CFB: variants seen among roughly 807,000 people sequenced by gnomAD.
The protein encoded by CFB is B-factor, properdin.
CFB carries 59 observed loss-of-function variants against 97.2 expected under a neutral mutation model. The ratio of observed to expected loss-of-function variants is 0.61; its 90% confidence interval spans 0.49 to 0.75. The LOEUF (loss-of-function observed/expected upper bound fraction) is 0.75. Ranked by LOEUF, CFB falls within the 30% of genes least tolerant of loss-of-function variation. The pLI is 0.00. For missense variants in CFB, 771 were observed against 959.8 expected (o/e 0.80, Z 2.60); for synonymous variants, 316 against 351.7 (o/e 0.90, Z 1.14).
chr6:31,950,588 C>A, intron 12 of CFB, 31 bp from the exon 13 acceptor site: 1 of 1,612,756 alleles, frequency 6.2e-7, no homozygotes, highest in South Asian at 1.1e-5. Flanking sequence ...AAGCTGCCCA[C>A]AAAGAGGTGG....
chr6:31,950,708 T>C lies in CFB; in HGVS notation c.1714T>C (p.Phe572Leu). The part of the protein sequence containing the change: ...NGKKEAGIPE[F>L]YDYDVALIKL... ...GAAAAAAGAAGCAGGAATTCCTGAA[T>C]TTTATGACTATGACGTTGCCCTGAT... Residue 572 changes from phenylalanine (F) to leucine (L), a missense_variant, in exon 13 of 18, where the codon TTT becomes CTT. Physicochemically the swap from Phe to Leu is conservative, Grantham distance 22 (BLOSUM62 0). Transcript: ENST00000425368. The C allele has an allele frequency of 6.2e-7, 1 of 1,613,074 alleles. No individual in the cohort carries two copies.
In CFB at chr6:31,947,807, A is replaced by G. The variant is rs144812066; in HGVS notation, c.724A>G (p.Ile242Val). ...TTTCCTGTCTTCCCTGACAGAGACC[A>G]TAGAAGGAGTCGATGCTGAGGATGG... ...EAFLSSLTET[I>V]EGVDAEDGHG... Residue 242 changes from isoleucine to valine, a missense_variant, in exon 5 of 18, where the codon ATA becomes GTA. By Grantham distance (29) the Ile-to-Val change is conservative. Coordinates refer to ENST00000425368, the MANE Select transcript of CFB (RefSeq NM_001710.6). The surrounding 1 kb of genome is among the most constrained non-coding windows in gnomAD (Gnocchi z 5.3). The G allele has an allele frequency of 2.8e-5, 45 of 1,613,566 alleles. No individual in the cohort carries two copies. The South Asian group carries it at 4.8e-4, about 17-fold the overall frequency.
Position 31,951,874 on chromosome 6 carries a change from G to C in CFB, c.2140-1G>C. On this transcript the variant is annotated splice_acceptor_variant, in intron 17 of 17. Coordinates refer to ENST00000425368, the MANE Select transcript of CFB (RefSeq NM_001710.6). LOFTEE classifies it high-confidence loss of function. The surrounding 1 kb of genome is among the most constrained non-coding windows in gnomAD (Gnocchi z 4.3). ...TCCATGGCACCCCACTGCCTCTGCA[G>C]GTTGGTGTAATCAGCTGGGGAGTAG... The C allele has an allele frequency of 6.2e-7, 1 of 1,613,246 alleles. No individual in the cohort carries two copies. Among genetic ancestry groups the C allele is most frequent in the Non-Finnish European group, 8.5e-7 (1 of 1,180,046 alleles).
rs1327174996 is a variant in CFB, at chr6:31,950,717, T to C, written c.1723T>C (p.Tyr575His). 3.1e-6 allele frequency: 5 copies of C among 1,613,064 alleles called. No individual in the cohort carries two copies. Among genetic ancestry groups the C allele is most frequent in the Non-Finnish European group, 3.4e-6 (4 of 1,180,030 alleles). Residue 575 changes from tyrosine to histidine, a missense_variant, in exon 13 of 18, where the codon TAT (tyrosine) becomes CAT (histidine). Tyr to His is a moderately conservative substitution (Grantham distance 83). Coordinates refer to ENST00000425368, the MANE Select transcript of CFB (RefSeq NM_001710.6). ...AGCAGGAATTCCTGAATTTTATGAC[T>C]ATGACGTTGCCCTGATCAAGCTCAA... ...KEAGIPEFYD[Y>H]DVALIKLKNK...
rs367735638 is a variant in CFB at position 31,950,096 on chromosome 6, G to A, written c.1455G>A (p.Arg485=). 6.2e-7 allele frequency: 1 copy of A among 1,613,096 alleles called. No homozygotes were observed. The highest frequency in any genetic ancestry group is 8.5e-7 in the Non-Finnish European group (1 of 1,180,044). The change falls in exon 11 of 18, where the codon AGG becomes AGA. Residue 485 remains arginine (R), a synonymous_variant. Transcript: ENST00000425368. The part of the protein sequence containing the change: ...LSLCGMVWEH[R]KGTDYHKQPW... Reference sequence around the variant, plus strand: ...TCTGTGGCATGGTTTGGGAACACAGGAAGGGTACCGATTACCACAAGCAAC... The same window carrying A: ...TCTGTGGCATGGTTTGGGAACACAGAAAGGGTACCGATTACCACAAGCAAC...
rs1329514987 is a variant in CFB, at chr6:31,946,470, G to A, written c.162G>A (p.Glu54=). 2.5e-6 allele frequency: 4 copies of A among 1,613,074 alleles called. No individual in the cohort carries two copies. Among genetic ancestry groups the A allele is most frequent in the Admixed American group, 1.7e-5 (1 of 60,026 alleles). The change falls in exon 2 of 18, where the codon GAG becomes GAA. Residue 54 remains glutamate (E), a synonymous_variant. Coordinates refer to ENST00000425368, the MANE Select transcript of CFB (RefSeq NM_001710.6). This position sits in a 1 kb window ranked among gnomAD's most constrained non-coding sequence, Gnocchi z 6.4. ...GCGGCTCCTTCCGACTTCTCCAAGAGGGCCAGGCACTGGAGTACGTGTGTC... is the reference window on the plus strand; with the variant it reads ...GCGGCTCCTTCCGACTTCTCCAAGAAGGCCAGGCACTGGAGTACGTGTGTC... ...IKGGSFRLLQ[E]GQALEYVCPS...
At position 31,946,345 on chromosome 6, in the gene CFB, G is replaced by T; in HGVS notation, c.65-28G>T. ...CAGCATCCCTCCTTGGCCTTTTGGG[G>T]CCAGGCTTCATCAGCCTTTCTCTTC... On this transcript the variant is annotated intron_variant, in intron 1 of 17. Coordinates refer to ENST00000425368, the MANE Select transcript of CFB (RefSeq NM_001710.6). This position sits in a 1 kb window ranked among gnomAD's most constrained non-coding sequence, Gnocchi z 6.4. 2 of 1,613,012 alleles carry T rather than the reference G, an allele frequency of 1.2e-6. No individual in the cohort carries two copies.
Position 31,951,756 on chromosome 6 carries a change from G to T in CFB, c.2140-119G>T. 1.3e-6 allele frequency: 2 copies of T among 1,581,734 alleles called. No homozygotes were observed. The highest frequency in any genetic ancestry group is 2.2e-5 in the South Asian group (2 of 90,384). Reference sequence around the variant, plus strand: ...TCTTGCCTGCGTGTGTCAAGAACGAGGCTGAGCTGGGTCCCTAGTCTGATT... The same window carrying T: ...TCTTGCCTGCGTGTGTCAAGAACGATGCTGAGCTGGGTCCCTAGTCTGATT... On this transcript the variant is annotated intron_variant, in intron 17 of 17. Coordinates refer to ENST00000425368, the MANE Select transcript of CFB (RefSeq NM_001710.6). This position sits in a 1 kb window ranked among gnomAD's most constrained non-coding sequence, Gnocchi z 4.3.
chr6:31,949,809 GGA>G, intron 10 of CFB: 1 of 686,250 alleles, frequency 1.5e-6, no homozygotes, highest in East Asian at 2.7e-5. Context: ...GGAGGTCAAG[GGA>G]CAGCAAGTTA....
In CFB at chr6:31,951,239, GA is replaced by G. The variant is rs752476598; in HGVS notation, c.1952del (p.Asp651ValfsTer36). Reference sequence around the variant, plus strand: ...GAAGGAGGTCTACATCAAGAATGGGGATAAGGTGAGAAACGGGCATCCTAAG... The same window carrying G: ...GAAGGAGGTCTACATCAAGAATGGGGTAAGGTGAGAAACGGGCATCCTAAG... ...TRKEVYIKNG[D>X]KKGSCERDAQ... is the part of the protein sequence containing the mutation. On this transcript the variant is annotated frameshift_variant, in exon 15 of 18. Transcript: ENST00000425368. LOFTEE classifies it high-confidence loss of function. The surrounding 1 kb of genome is among the most constrained non-coding windows in gnomAD (Gnocchi z 4.3). The G allele has an allele frequency of 6.2e-7, 1 of 1,613,190 alleles. No individual in the cohort carries two copies. The highest frequency in any genetic ancestry group is 8.5e-7 in the Non-Finnish European group (1 of 1,180,018).
Position 31,946,975 on chromosome 6 carries a change from T to A in CFB, c.299-32T>A, listed in dbSNP as rs760772738. 1.5e-4 allele frequency: 246 copies of A among 1,612,204 alleles called. No homozygotes were observed. The highest frequency in any genetic ancestry group is 1.9e-4 in the Non-Finnish European group (228 of 1,179,458). ...TACACCTAAGGCAGCCTTTCCCTCTTGATGACTTCTACTTGTCCCCCCTTC... is the reference window on the plus strand; with the variant it reads ...TACACCTAAGGCAGCCTTTCCCTCTAGATGACTTCTACTTGTCCCCCCTTC... On this transcript the variant is annotated intron_variant, in intron 2 of 17. Coordinates refer to ENST00000425368, the MANE Select transcript of CFB (RefSeq NM_001710.6). This position sits in a 1 kb window ranked among gnomAD's most constrained non-coding sequence, Gnocchi z 6.4.
rs1261568530 is a variant in CFB at position 31,950,690 on chromosome 6, G to T, written c.1696G>T (p.Glu566Ter). 1.2e-6 allele frequency: 2 copies of T among 1,612,974 alleles called. No homozygotes were observed. Among genetic ancestry groups the T allele is most frequent in the Non-Finnish European group, 1.7e-6 (2 of 1,180,034 alleles). Residue 566 changes from glutamate (E) to a stop codon, truncating the protein, a stop_gained, in exon 13 of 18, where the codon GAA becomes TAA. Transcript: ENST00000425368. LOFTEE classifies it high-confidence loss of function. The stretch of plus-strand genomic sequence containing the variant: ...CAACTACAACATTAATGGGAAAAAA[G>T]AAGCAGGAATTCCTGAATTTTATGA... Reference protein sequence around the residue: ...HPNYNINGKKEAGIPEFYDYD... With the variant: ...HPNYNINGKK
intron 12 of CFB, 76 bp downstream of exon 12, chr6:31,950,479 A>G (rs1426044041): frequency 1.3e-6 from 2 of 1,560,984 alleles, no homozygotes; most frequent in East Asian, 2.2e-5. Flanking sequence ...CAGATCCTAC[A>G]CTCCACCCAT....
At chr6:31,949,059 C>T (rs1375511316) in intron 8 of CFB, 98 bp downstream of exon 8, 1 of 1,567,232 alleles carries the variant, frequency 6.4e-7, no homozygotes, top group African/African-American at 1.4e-5. Context: ...TGGTTGGGGC[C>T]CTGAATGTGA....
At position 31,947,215 on chromosome 6, in the gene CFB, A is replaced by G. The variant is rs780217821; in HGVS notation, c.484+23A>G. 1 of 1,612,262 alleles carries G rather than the reference A, an allele frequency of 6.2e-7. No homozygotes were observed. Among genetic ancestry groups the G allele is most frequent in the South Asian group, 1.1e-5 (1 of 91,056 alleles). On this transcript the variant is annotated intron_variant, in intron 3 of 17. Transcript: ENST00000425368. This position sits in a 1 kb window ranked among gnomAD's most constrained non-coding sequence, Gnocchi z 5.3. ...GAGGTGAGAAGCATCCCCTCCCCCT[A>G]CATTGCTGTCTCCCTGACGGCGCCC... is the stretch of plus-strand genomic sequence containing the variant.
chr6:31,949,504 T>TGTTCAA lies in CFB; in HGVS notation c.1356_1361dup (p.Phe453_Lys454dup), dbSNP rs1473395849. Reference sequence around the variant, plus strand: ...TCCAAGAAAGACAATGAGCAACATGTGTTCAAAGTCAAGGATATGGAAAAC... The same window carrying TGTTCAA: ...TCCAAGAAAGACAATGAGCAACATGTGTTCAAGTTCAAAGTCAAGGATATGGAAAAC... On this transcript the variant is annotated inframe_insertion, in exon 10 of 18. Transcript: ENST00000425368. 1 of 1,613,810 alleles carries TGTTCAA rather than the reference T, an allele frequency of 6.2e-7. No individual in the cohort carries two copies. The highest frequency in any genetic ancestry group is 8.5e-7 in the Non-Finnish European group (1 of 1,180,038).
chr6:31,949,279 T>C lies in CFB; in HGVS notation c.1205T>C (p.Ile402Thr), dbSNP rs762285790. 2.5e-6 allele frequency: 4 copies of C among 1,614,194 alleles called. No individual in the cohort carries two copies. The highest frequency in any genetic ancestry group is 1.1e-5 in the South Asian group (1 of 91,082). Residue 402 changes from isoleucine (I) to threonine (T), a missense_variant, in exon 9 of 18, where the codon ATT becomes ACT. Transcript: ENST00000425368. ...HNMGGDPITVIDEIRDLLYIG... is the reference protein window; with the variant it reads ...HNMGGDPITVTDEIRDLLYIG... ...ATGGGCGGGGACCCAATTACTGTCA[T>C]TGATGAGATCCGGGACTTGCTATAC... is the stretch of plus-strand genomic sequence containing the variant.
Position 31,952,083 on chromosome 6 carries a change from C to A in CFB, c.*53C>A. On this transcript the variant is annotated 3_prime_UTR_variant, in exon 18 of 18. Coordinates refer to ENST00000425368, the MANE Select transcript of CFB (RefSeq NM_001710.6). ...GATTGAATTAAAACAGCTGCGACAA[C>A]ACCTGTGTTCCAGATCCTTTTGGGG... is the stretch of plus-strand genomic sequence containing the variant. 6.2e-7 allele frequency: 1 copy of A among 1,605,866 alleles called. No homozygotes were observed. Among genetic ancestry groups the A allele is most frequent in the Non-Finnish European group, 8.5e-7 (1 of 1,176,406 alleles).
intron 7 of CFB, 55 bp from the exon 8 acceptor site, chr6:31,948,775 G>A: frequency 6.2e-7 from 1 of 1,612,852 alleles, no homozygotes; most frequent in African/African-American, 1.3e-5. Context: ...GGTCTCTGGG[G>A]TTAAAAGATG....
Sources: gnomAD v4.1 joint callset for allele counts on GRCh38, gnomAD v4.1.1 for gene constraint, Gnocchi (gnomAD v3.1) non-coding constraint, MANE v1.5 for transcripts, NCBI Gene and HGNC (gene_info 2026-07-23, HGNC 2026-07-21) for gene names.